The following TM7SF3 variants were observed in gnomAD, a reference collection of about 807,000 sequenced individuals.
The protein encoded by TM7SF3 is transmembrane 7 superfamily member 3.
In TM7SF3, 60 loss-of-function variants were observed where a neutral mutation model predicts 65.5. That is an observed-to-expected ratio of 0.92 (90% CI 0.74 to 1.14). The LOEUF is 1.14. TM7SF3 is among the 50% of genes most tolerant of loss of function. The pLI is 0.00. For synonymous variants in TM7SF3, 264 were observed against 259.6 expected, an observed-to-expected ratio of 1.02 and a Z score of -0.16; for missense variants, 623 against 684.8, an observed-to-expected ratio of 0.91 and a Z score of 1.01.
chr12:27,007,613 A>G (rs1256676179), intron 1 of TM7SF3, among the ~76,000 whole-genome samples: 1 of 152,148 alleles, frequency 6.6e-6, no homozygotes, highest in African/African-American at 2.4e-5. Flanking sequence ...AGGTCCAGGT[A>G]TCAATTAAAA....
intron 4 of TM7SF3, among the ~76,000 whole-genome samples, chr12:26,995,711 C>A (rs1940562812): frequency 6.6e-6 from 1 of 152,092 alleles, no homozygotes; most frequent in Non-Finnish European, 1.5e-5. Flanking sequence ...GAATTACTGC[C>A]CTCATAAAGG....
chr12:26,996,848 C>A lies in TM7SF3; in HGVS notation c.412G>T (p.Gly138Cys). 6.2e-7 allele frequency: 1 copy of A among 1,611,376 alleles called. No homozygotes were observed. Among genetic ancestry groups the A allele is most frequent in the Non-Finnish European group, 8.5e-7 (1 of 1,179,150 alleles). Reference sequence around the variant, plus strand: ...TCTAAATCGAACTCCAAATTACAGCCTCCAGGGACAGGATCTGGATAAGAA... The same window carrying A: ...TCTAAATCGAACTCCAAATTACAGCATCCAGGGACAGGATCTGGATAAGAA... ...SYSERDPVPG[G>C]CNLEFDLDID... Residue 138 changes from glycine to cysteine, a missense_variant, in exon 4 of 12, where the codon GGC (glycine) becomes TGC (cysteine). Physicochemically the swap from Gly to Cys is radical, Grantham distance 159. Transcript: ENST00000343028.
chr12:26,976,619 G>A (rs1390862395), intron 9 of TM7SF3, among the ~76,000 whole-genome samples: 1 of 152,190 alleles, frequency 6.6e-6, no homozygotes, highest in African/African-American at 2.4e-5. Context: ...GAAGACACTG[G>A]AATAGTCCAA....
chr12:26,982,877 T>C lies in TM7SF3; in HGVS notation c.869-18A>G. On this transcript the variant is annotated intron_variant, in intron 6 of 11. Coordinates refer to ENST00000343028, the MANE Select transcript of TM7SF3 (RefSeq NM_016551.3). ...CACTCTTCCTAAAAAATAATGAAAA[T>C]TTAGTGGATAATACATCCAATTTGA... is the stretch of plus-strand genomic sequence containing the variant. 6.5e-7 allele frequency: 1 copy of C among 1,548,276 alleles called. No individual in the cohort carries two copies. The highest frequency in any genetic ancestry group is 1.2e-5 in the South Asian group (1 of 84,624).
At chr12:26,991,444 G>A (rs1940365644) in intron 5 of TM7SF3, among the ~76,000 whole-genome samples, 3 of 152,140 alleles carry the variant, frequency 2.0e-5, no homozygotes, top group South Asian at 4.1e-4. Context: ...GAGCCACCGC[G>A]CCCGGCCAGT....
chr12:26,983,065 A>G (rs994797087), intron 6 of TM7SF3, among the ~76,000 whole-genome samples: 3 of 152,176 alleles, frequency 2.0e-5, no homozygotes, highest in African/African-American at 7.2e-5. Context: ...CTGCTGCTAT[A>G]ACAAAAAGAG....
chr12:26,997,447 A>G (rs984520916), intron 3 of TM7SF3, among the ~76,000 whole-genome samples: 2 of 152,124 alleles, frequency 1.3e-5, no homozygotes, highest in African/African-American at 4.8e-5. Flanking sequence ...TTACCACACC[A>G]CAAATGGTAT....
chr12:26,988,449 A>G (rs1940195505), intron 6 of TM7SF3, among the ~76,000 whole-genome samples: 1 of 152,210 alleles, frequency 6.6e-6, no homozygotes, highest in East Asian at 1.9e-4. Context: ...CAGGCGTGAG[A>G]CACTGCACCC....
rs949098298 is a variant in TM7SF3 at position 26,979,775 on chromosome 12, A to G, written c.1189+9T>C. ...CGAACACACAAAACATCTGTTACAT[A>G]TCGCCTACCCAGTGGAGTAAAGAAA... On this transcript the variant is annotated intron_variant, in intron 9 of 11. Transcript: ENST00000343028. The G allele has an allele frequency of 2.5e-6, 4 of 1,613,686 alleles. No individual in the cohort carries two copies. The Admixed American group carries it at 5.0e-5, about 20-fold the overall frequency.
chr12:26,998,769 G>A (rs1940706992), intron 3 of TM7SF3, among the ~76,000 whole-genome samples: 1 of 152,148 alleles, frequency 6.6e-6, no homozygotes, highest in Non-Finnish European at 1.5e-5. Context: ...AGCTTTCTAA[G>A]AGATGAAATG....
At chr12:27,012,810 C>A in intron 1 of TM7SF3, 1 of 435,982 alleles carries the variant, frequency 2.3e-6, no homozygotes, top group Non-Finnish European at 4.6e-6. Flanking sequence ...CCAGCCTGAA[C>A]AACATGGTGA....
chr12:27,004,965 G>T (rs1940974165), intron 1 of TM7SF3, among the ~76,000 whole-genome samples: 1 of 152,040 alleles, frequency 6.6e-6, no homozygotes, highest in Non-Finnish European at 1.5e-5. Flanking sequence ...ATCTGGGTAG[G>T]GAAGTCTGGA....
chr12:26,989,500 C>T (rs1199038936), intron 6 of TM7SF3, among the ~76,000 whole-genome samples: 1 of 150,518 alleles, frequency 6.6e-6, no homozygotes, highest in East Asian at 2.0e-4. Flanking sequence ...CCCCCACAAC[C>T]CCTACACTGT....
At chr12:26,985,098 A>C (rs1334903998) in intron 6 of TM7SF3, among the ~76,000 whole-genome samples, 1 of 152,226 alleles carries the variant, frequency 6.6e-6, no homozygotes, top group East Asian at 1.9e-4. Context: ...TCCTAAGCCT[A>C]ACAGAGAGAG....
In TM7SF3 at chr12:27,014,117, C is replaced by G. The variant is rs779209850; in HGVS notation, c.52G>C (p.Val18Leu). 6.4e-7 allele frequency: 1 copy of G among 1,572,712 alleles called. No individual in the cohort carries two copies. Residue 18 changes from valine (V) to leucine (L), a missense_variant, in exon 1 of 12, where the codon GTG becomes CTG. By Grantham distance (32) the Val-to-Leu change is conservative. Transcript: ENST00000343028. Reference sequence around the variant, plus strand: ...CCGAAGACCTCGGCTGCACCAGCCACCCGGTGTTCGGATGCCAGCACCGCT... The same window carrying G: ...CCGAAGACCTCGGCTGCACCAGCCAGCCGGTGTTCGGATGCCAGCACCGCT... ...VVAVLASEHR[V>L]AGAAEVFGNS...
chr12:26,978,945 C>G (rs951721514), intron 9 of TM7SF3: 1 of 151,886 alleles, frequency 6.6e-6, no homozygotes, highest in Non-Finnish European at 1.5e-5. Context: ...AAAAACATCC[C>G]CATGTGAATC....
chr12:26,977,991 G>A, intron 9 of TM7SF3: 1 of 380,770 alleles, frequency 2.6e-6, no homozygotes, highest in Non-Finnish European at 5.2e-6. Context: ...AGCTACTTGG[G>A]AGGCTGATGT....
At chr12:26,985,678 T>TATATAC (rs1452914983) in intron 6 of TM7SF3, among the ~76,000 whole-genome samples, 39 of 108,470 alleles carry the variant, frequency 3.6e-4, no homozygotes, top group African/African-American at 1.4e-3. Context: ...TATATATATA[T>TATATAC]ACACACACAC....
At chr12:26,989,066 T>G (rs1940227722) in intron 6 of TM7SF3, among the ~76,000 whole-genome samples, 1 of 152,240 alleles carries the variant, frequency 6.6e-6, no homozygotes, top group South Asian at 2.1e-4. Flanking sequence ...AAATATGTGT[T>G]AATCAAGTAT....
Sources: allele counts gnomAD v4.1 joint callset (sites outside exome capture counted in the v4.1 genomes callset), GRCh38; gene constraint gnomAD v4.1.1; transcripts MANE v1.5; gene names NCBI Gene and HGNC (gene_info 2026-07-23, HGNC 2026-07-21).